Variants in ZNF254 observed in about 807,000 individuals in gnomAD.
ZNF254 encodes the protein CTD-2017D11.1.
ZNF254 carries 10 observed loss-of-function variants against 12.4 expected under a neutral mutation model. The ratio of observed to expected loss-of-function variants is 0.80; its 90% CI spans 0.50 to 1.36. The LOEUF (loss-of-function observed/expected upper bound fraction) is 1.36, where lower values mean the gene tolerates loss of function less well. Ranked by LOEUF, ZNF254 falls within the 40% of genes most tolerant of loss-of-function variation. The pLI is 0.00. For missense variants in ZNF254, 996 were observed against 763.9 expected (o/e 1.30, Z -3.58); for synonymous variants, 305 against 253.4 (o/e 1.20, Z -1.93).
intron 1 of ZNF254, among the ~76,000 whole-genome samples, chr19:24,087,906 G>GT (rs766484656): frequency 0.012 from 1,466 of 126,262 alleles, 9 homozygotes; most frequent in African/African-American, 0.018. Context: ...CTAGGTTGTC[G>GT]TTTTTTTTTT....
At chr19:24,109,944 G>T (rs557384016) in intron 3 of ZNF254, among the ~76,000 whole-genome samples, 3 of 151,154 alleles carry the variant, frequency 2.0e-5, no homozygotes, top group African/African-American at 4.9e-5. Flanking sequence ...GGTCAGGCAG[G>T]TCTCAAACTC....
At chr19:24,085,427 A>ATATATATATATATATATATATATATATAG, upstream of ZNF254, among the ~76,000 whole-genome samples, 1 of 42,454 alleles carries the variant, frequency 2.4e-5, no homozygotes, top group South Asian at 1.0e-3. Context: ...TATATATATA[A>ATATATATATATATATATATATATATATAG]AAACTAAGAT....
rs1411865601 is a variant in ZNF254, at chr19:24,128,804, TAATA to T, written c.*825_*828del. 2 of 151,968 alleles carry T rather than the reference TAATA, an allele frequency of 1.3e-5. No individual in the cohort carries two copies. The highest frequency in any genetic ancestry group is 4.1e-4 in the South Asian group (2 of 4,826). The allele number at this position is 151,968 out of a possible 1,614,324, so 9.4% of individuals were successfully genotyped here. On this transcript the variant is annotated 3_prime_UTR_variant, in exon 4 of 4. Coordinates refer to ENST00000357002, the MANE Select transcript of ZNF254 (RefSeq NM_203282.4). The stretch of plus-strand genomic sequence containing the variant: ...AAATCAGAGTGCTGAGTATAGAAAA[TAATA>T]CAAACAGATTTGTCTAAACATTTGT...
chr19:24,100,276 T>TC (rs58611845), intron 1 of ZNF254, among the ~76,000 whole-genome samples: 47,985 of 151,740 alleles, frequency 0.32, 9,367 homozygotes, highest in African/African-American at 0.56. Context: ...TCTCCACTTC[T>TC]TTTCCCTTCT....
In ZNF254 at chr19:24,121,564, A is replaced by AT. The variant is rs996562581; in HGVS notation, c.254-4680dup. ...CCTGTATAAATGTTATCTTTTTTAA[A>AT]TTTTTTTTTTGAGACAGAGTTTTGC... On this transcript the variant is annotated intron_variant, in intron 3 of 3. Transcript: ENST00000357002. Among the ~76,000 whole-genome samples the AT allele has an allele frequency of 1.1e-3, 168 of 150,396 alleles. 2 individuals carry two copies. Among genetic ancestry groups the AT allele is most frequent in the African/African-American group, 3.4e-3 (140 of 41,118 alleles).
chr19:24,033,677 G>A, intron 1 of ZNF254: 1 of 313,162 alleles, frequency 3.2e-6, no homozygotes, highest in Non-Finnish European at 6.4e-6. Context: ...GAAACCGGCG[G>A]GACTGCCTTC....
chr19:24,106,728 C>G (rs1195033279), intron 3 of ZNF254, 85 bp downstream of exon 3: 2 of 1,204,608 alleles, frequency 1.7e-6, no homozygotes, highest in African/African-American at 3.2e-5. Context: ...ATTTAAGAAG[C>G]TGTGATCCAA....
chr19:24,119,917 A>G (rs1040295008), intron 3 of ZNF254, among the ~76,000 whole-genome samples: 5 of 152,072 alleles, frequency 3.3e-5, no homozygotes, highest in South Asian at 2.1e-4. Context: ...GTGTAGTGAC[A>G]TGCTTCAATT....
chr19:24,062,510 A>G (rs748942328), intron 2 of ZNF254, among the ~76,000 whole-genome samples: 9 of 152,220 alleles, frequency 5.9e-5, no homozygotes, highest in Non-Finnish European at 1.3e-4. Context: ...ACATTAGATC[A>G]TGTGTTCAGA....
At chr19:24,089,042 T>A (rs1972207431) in intron 1 of ZNF254, among the ~76,000 whole-genome samples, 1 of 141,758 alleles carries the variant, frequency 7.1e-6, no homozygotes, top group Admixed American at 7.4e-5. Context: ...AATGGCACGA[T>A]CTCGGCTCAC....
At chr19:24,084,773 A>G (rs4932942), upstream of ZNF254, among the ~76,000 whole-genome samples, 74,345 of 151,514 alleles carry the variant, frequency 0.49, 19,061 homozygotes, top group African/African-American at 0.64. Flanking sequence ...TACTAAAGGT[A>G]CAGGCCACCA....
At position 24,046,371 on chromosome 19, in the gene ZNF254, TTTTATATATATA is replaced by T. The variant is rs1357584158; in HGVS notation, c.-94+94_-94+105del. On this transcript the variant is annotated intron_variant, in intron 2 of 4. Coordinates refer to the ZNF254 transcript ENST00000613065. The stretch of plus-strand genomic sequence containing the variant: ...TTTTGTCTTCCATTATTTTATTATT[TTTTATATATATA>T]TATATATATATATATATGTGCAGAT... 2.1e-4 allele frequency: 11 copies of T among 51,400 alleles called. No homozygotes were observed. In the East Asian group the frequency reaches 3.2e-3, roughly 15 times the overall value. 3.2% of individuals were successfully genotyped at this position (51,400 alleles called of 1,614,324 possible). A position where few individuals can be genotyped will look rare whatever the true frequency, so the allele number is the denominator to read the frequency against.
chr19:24,037,543 C>T (rs923420241), intron 1 of ZNF254, among the ~76,000 whole-genome samples: 14 of 152,138 alleles, frequency 9.2e-5, no homozygotes, highest in African/African-American at 3.1e-4. Context: ...AAGCAGTTCT[C>T]CTGCCTTATC....
Position 24,041,469 on chromosome 19 carries a change from C to A in ZNF254, c.-189-4715C>A, listed in dbSNP as rs532147008. ...GACTTAGCACCCGGGCTAGTGGCTG[C>A]GGAGGGTGTACTGAGTCCCCCAGCA... On this transcript the variant is annotated intron_variant, in intron 1 of 4. Coordinates refer to the ZNF254 transcript ENST00000613065. Among the ~76,000 whole-genome samples, 6 of 152,370 alleles carry A rather than the reference C, an allele frequency of 3.9e-5. No homozygotes were observed. The East Asian group carries it at 1.2e-3, about 29-fold the overall frequency.
intron 1 of ZNF254, among the ~76,000 whole-genome samples, chr19:24,042,886 T>C (rs1304463714): frequency 6.6e-6 from 1 of 152,270 alleles, no homozygotes; most frequent in East Asian, 1.9e-4. Context: ...TTCTGCCAAG[T>C]TTCTTCACTA....
At position 24,126,935 on chromosome 19, in the gene ZNF254, A is replaced by T. The variant is rs1974897767; in HGVS notation, c.935A>T (p.His312Leu). 1 of 1,613,624 alleles carries T rather than the reference A, an allele frequency of 6.2e-7. No individual in the cohort carries two copies. The highest frequency in any genetic ancestry group is 2.2e-5 in the East Asian group (1 of 44,812). ...ATCTGGTCCTCAACCCTTACTGAGC[A>T]TAAGAAAATTCATACTAGAAAGAAA... ...AFIWSSTLTE[H>L]KKIHTRKKPY... The change falls in exon 4 of 4, where the codon CAT (histidine) becomes CTT (leucine). Residue 312 changes from histidine to leucine, a missense_variant. By Grantham distance (99) the His-to-Leu change is moderately conservative (BLOSUM62 -3). Coordinates refer to ENST00000357002, the MANE Select transcript of ZNF254 (RefSeq NM_203282.4).
chr19:24,088,639 T>TTTTA (rs901585425), intron 1 of ZNF254, among the ~76,000 whole-genome samples: 1 of 152,028 alleles, frequency 6.6e-6, no homozygotes, highest in Non-Finnish European at 1.5e-5. Flanking sequence ...CTGTTTTAAT[T>TTTTA]TTTATTTATT....
chr19:24,098,970 T>G (rs1972831268), intron 1 of ZNF254: 1 of 148,458 alleles, frequency 6.7e-6, no homozygotes. Context: ...GCTCTTCTTC[T>G]GCAGCTCAGG....
At chr19:24,107,194 T>G in intron 3 of ZNF254, 1 of 641,920 alleles carries the variant, frequency 1.6e-6, no homozygotes. Flanking sequence ...CAAAGTTTAT[T>G]GTAGTTTCAT....
Sources: allele counts gnomAD v4.1 joint callset (sites outside exome capture counted in the v4.1 genomes callset), GRCh38; gene constraint gnomAD v4.1.1; transcripts MANE v1.5; gene names NCBI Gene and HGNC (gene_info 2026-07-23, HGNC 2026-07-21).